BSN: variants seen among roughly 807,000 people sequenced by gnomAD.
The protein encoded by BSN is bassoon presynaptic cytomatrix protein.
Under a neutral mutation model 264.8 loss-of-function variants are expected in BSN, and 57 were observed. The observed-to-expected ratio is 0.22, with a 90% CI of 0.17 to 0.27. BSN has a LOEUF of 0.27. Ranked by LOEUF, BSN falls within the 10% of genes least tolerant of loss-of-function variation. BSN has a pLI of 1.00. For missense variants in BSN, 4,615 were observed against 5,232.5 expected, an observed-to-expected ratio of 0.88 and a Z score of 3.64; for synonymous variants, 2,059 against 2,137.3, an observed-to-expected ratio of 0.96 and a Z score of 1.01.
chr3:49,636,174 G>A (rs779074089), intron 2 of BSN, among the ~76,000 whole-genome samples: 2 of 152,190 alleles, frequency 1.3e-5, no homozygotes, highest in Non-Finnish European at 2.9e-5. Context: ...TGGGTTGCAG[G>A]TCATCTGGAG....
At chr3:49,583,470 C>A (rs2051909734) in intron 1 of BSN, among the ~76,000 whole-genome samples, 1 of 151,980 alleles carries the variant, frequency 6.6e-6, no homozygotes, top group Non-Finnish European at 1.5e-5. Context: ...TTTGGCTGGG[C>A]ACAGTGGCTC....
intron 1 of BSN, among the ~76,000 whole-genome samples, chr3:49,599,727 C>T (rs1164655438): frequency 2.0e-5 from 3 of 152,144 alleles, no homozygotes; most frequent in Admixed American, 6.5e-5. Context: ...AGAAAGTGTA[C>T]ACCAGCCCCT....
intron 1 of BSN, among the ~76,000 whole-genome samples, chr3:49,602,818 G>A (rs1310787259): frequency 6.6e-6 from 1 of 152,178 alleles, no homozygotes; most frequent in Non-Finnish European, 1.5e-5. Context: ...ACTGATGGGT[G>A]TAAAATGTCT....
intron 2 of BSN, among the ~76,000 whole-genome samples, chr3:49,626,473 G>A (rs780558390): frequency 2.0e-5 from 3 of 152,184 alleles, no homozygotes; most frequent in African/African-American, 7.2e-5. Flanking sequence ...GGAGCTGTCG[G>A]TGTGGGGAGA....
rs2108083601 is a variant in BSN at position 49,653,704 on chromosome 3, C to T, written c.4148C>T (p.Thr1383Ile). 1 of 1,613,954 alleles carries T rather than the reference C, an allele frequency of 6.2e-7. No individual in the cohort carries two copies. Reference protein sequence around the residue: ...PFSQGPGTPATTAVAPCPAGL... With the variant: ...PFSQGPGTPAITAVAPCPAGL... ...TCCCAGGGCCCTGGGACCCCAGCCACCACAGCTGTGGCTCCTTGTCCAGCT... is the reference window on the plus strand; with the variant it reads ...TCCCAGGGCCCTGGGACCCCAGCCATCACAGCTGTGGCTCCTTGTCCAGCT... The change falls in exon 5 of 12, where the codon ACC becomes ATC. Residue 1383 changes from threonine to isoleucine, a missense_variant. By Grantham distance (89) the Thr-to-Ile change is moderately conservative (BLOSUM62 -1). This residue lies in a region of BSN where 3,415 missense variants were observed against 3,866.4 expected (regional missense o/e 0.88). Transcript: ENST00000296452. The surrounding 1 kb of genome is among the most constrained non-coding windows in gnomAD (Gnocchi z 6.3).
chr3:49,644,015 C>T (rs2052487248), intron 3 of BSN, among the ~76,000 whole-genome samples: 1 of 152,166 alleles, frequency 6.6e-6, no homozygotes, highest in Non-Finnish European at 1.5e-5. Flanking sequence ...GGGCCAGGAG[C>T]AGATGCTGCT....
At chr3:49,578,569 G>C (rs1462195672) in intron 1 of BSN, among the ~76,000 whole-genome samples, 1 of 150,872 alleles carries the variant, frequency 6.6e-6, no homozygotes, top group East Asian at 2.0e-4. Context: ...CACCTTGCCC[G>C]GCCAATTTTT....
intron 1 of BSN, among the ~76,000 whole-genome samples, chr3:49,605,819 TTG>T (rs2052129000): frequency 1.3e-5 from 1 of 74,776 alleles, no homozygotes; most frequent in Non-Finnish European, 2.3e-5. Flanking sequence ...TAAATATATT[TTG>T]TATAAATAGA....
intron 1 of BSN, among the ~76,000 whole-genome samples, chr3:49,561,508 G>C (rs1024717936): frequency 6.6e-6 from 1 of 152,162 alleles, no homozygotes; most frequent in Non-Finnish European, 1.5e-5. Context: ...ATTTGTGTTT[G>C]CAGGCAGGTA....
At position 49,657,537 on chromosome 3, in the gene BSN, A is replaced by G. The variant is rs1330737506; in HGVS notation, c.7981A>G (p.Met2661Val). 1.9e-6 allele frequency: 3 copies of G among 1,613,246 alleles called. No homozygotes were observed. Among genetic ancestry groups the G allele is most frequent in the Non-Finnish European group, 2.5e-6 (3 of 1,180,010 alleles). The change falls in exon 5 of 12, where the codon ATG (methionine) becomes GTG (valine). Residue 2661 changes from methionine (M) to valine (V), a missense_variant. Met to Val is a conservative substitution (Grantham distance 21, BLOSUM62 1). Around this residue, in one of 3 missense-constraint regions of BSN, gnomAD observed 3,415 missense variants for 3,866.4 expected, o/e 0.88. Transcript: ENST00000296452. ...SSSAAATVRA[M>V]SSVGIQTISD... ...CAGTGCTGCTGCCACTGTGAGGGCC[A>G]TGAGCAGCGTGGGCATCCAGACCAT...
intron 1 of BSN, among the ~76,000 whole-genome samples, chr3:49,587,363 A>C (rs980066414): frequency 6.6e-6 from 1 of 152,188 alleles, no homozygotes; most frequent in South Asian, 2.1e-4. Context: ...AAACAGGGAT[A>C]ATTTGACTTC....
At chr3:49,588,919 GT>G (rs752329033) in intron 1 of BSN, among the ~76,000 whole-genome samples, 102 of 141,202 alleles carry the variant, frequency 7.2e-4, no homozygotes, top group Middle Eastern at 3.6e-3. Context: ...TGGGTGGAGT[GT>G]TTTTTTTTTT....
chr3:49,584,725 C>T (rs1324759030), intron 1 of BSN, among the ~76,000 whole-genome samples: 2 of 152,052 alleles, frequency 1.3e-5, no homozygotes, highest in Non-Finnish European at 2.9e-5. Context: ...AGGTCTTATT[C>T]ATTCTTTCTA....
downstream of BSN, among the ~76,000 whole-genome samples, chr3:49,672,712 C>T (rs751440615): frequency 1.1e-3 from 172 of 151,414 alleles, no homozygotes; most frequent in Non-Finnish European, 2.2e-3. Context: ...AACTCCTGGC[C>T]TCAGGTGATC....
At chr3:49,634,049 C>G (rs985402930) in intron 2 of BSN, among the ~76,000 whole-genome samples, 1 of 150,930 alleles carries the variant, frequency 6.6e-6, no homozygotes, top group Non-Finnish European at 1.5e-5. Flanking sequence ...TACTAAAATA[C>G]AAAAAAAAAT....
At chr3:49,568,983 G>C (rs1179634635) in intron 1 of BSN, among the ~76,000 whole-genome samples, 1 of 152,150 alleles carries the variant, frequency 6.6e-6, no homozygotes, top group African/African-American at 2.4e-5. Context: ...TAGTAAGAGT[G>C]ATGAAAAGTG....
intron 1 of BSN, among the ~76,000 whole-genome samples, chr3:49,611,194 A>G (rs911108756): frequency 6.6e-6 from 1 of 152,112 alleles, no homozygotes; most frequent in Non-Finnish European, 1.5e-5. Context: ...GTTTGTCTTG[A>G]CTTCCAGATT....
intron 1 of BSN, among the ~76,000 whole-genome samples, chr3:49,591,363 A>G (rs946769883): frequency 2.0e-5 from 3 of 152,212 alleles, no homozygotes; most frequent in Admixed American, 6.5e-5. Flanking sequence ...GAAATATGCA[A>G]TTATGCTTTC....
chr3:49,613,303 C>CGAGAGAGAGAGAGA (rs752108805), intron 1 of BSN, among the ~76,000 whole-genome samples: 2,667 of 47,292 alleles, frequency 0.056, 699 homozygotes, highest in East Asian at 0.22. Flanking sequence ...ACACACAGAG[C>CGAGAGAGAGAGAGA]GAGAGAGAGA....
Sources: gnomAD v4.1 joint callset for allele counts (sites outside exome capture counted in the v4.1 genomes callset) on GRCh38, gnomAD v4.1.1 for gene constraint, gnomAD v4.1.1 regional missense constraint, Gnocchi (gnomAD v3.1) non-coding constraint, MANE v1.5 for transcripts, NCBI Gene and HGNC (gene_info 2026-07-23, HGNC 2026-07-21) for gene names.